LIPI: variants seen among roughly 807,000 people sequenced by gnomAD.
LIPI encodes the protein lipase member I.
Under a neutral mutation model 50.6 loss-of-function variants are expected in LIPI, and 59 were observed. The ratio of observed to expected loss-of-function variants is 1.16; its 90% CI spans 0.94 to 1.45. The LOEUF is 1.45. Among genes scored for constraint, LIPI ranks in the 40% most tolerant of loss-of-function variants. The probability of loss-of-function intolerance (pLI) is 0.00; values close to 1 mark genes in which losing one functional copy is unlikely to be tolerated. For synonymous variants in LIPI, 203 were observed against 178.2 expected, an observed-to-expected ratio of 1.14 and a Z score of -1.11; for missense variants, 586 against 536.3, an observed-to-expected ratio of 1.09 and a Z score of -0.92.
At chr21:14,165,518 C>A in intron 5 of LIPI, 128 bp from the exon 6 acceptor site, 2 of 662,296 alleles carry the variant, frequency 3.0e-6, no homozygotes, top group Non-Finnish European at 5.2e-6. Flanking sequence ...GACTATAATA[C>A]ACAGTTTTAT....
intron 9 of LIPI, among the ~76,000 whole-genome samples, chr21:14,111,379 G>C (rs572826871): frequency 3.3e-5 from 5 of 152,108 alleles, no homozygotes; most frequent in African/African-American, 1.2e-4. Flanking sequence ...TTGGCCACTT[G>C]TATGTCTTCT....
At chr21:14,136,497 G>A (rs1269414403) in intron 9 of LIPI, among the ~76,000 whole-genome samples, 1 of 152,184 alleles carries the variant, frequency 6.6e-6, no homozygotes, top group African/African-American at 2.4e-5. Context: ...GAAAGGGGAG[G>A]GAAGAGGGGG....
chr21:14,185,318 G>T (rs2019414470), intron 3 of LIPI, among the ~76,000 whole-genome samples: 1 of 151,930 alleles, frequency 6.6e-6, no homozygotes, highest in African/African-American at 2.4e-5. Context: ...TAAGTAAATA[G>T]TTATATTCTT....
intron 3 of LIPI, among the ~76,000 whole-genome samples, chr21:14,182,940 C>T (rs1600910744): frequency 6.6e-6 from 1 of 152,166 alleles, no homozygotes; most frequent in African/African-American, 2.4e-5. Flanking sequence ...CATCAAGCTA[C>T]CAATGACTTT....
At chr21:14,190,332 A>G (rs2019628264) in intron 1 of LIPI, among the ~76,000 whole-genome samples, 2 of 152,108 alleles carry the variant, frequency 1.3e-5, no homozygotes, top group Non-Finnish European at 2.9e-5. Context: ...TAAGCAAATA[A>G]TCCCCATAGT....
At chr21:14,112,285 T>A (rs2016447495) in intron 9 of LIPI, among the ~76,000 whole-genome samples, 1 of 152,168 alleles carries the variant, frequency 6.6e-6, no homozygotes, top group Admixed American at 6.5e-5. Flanking sequence ...TCTCTAGCTT[T>A]GTTCTTTTTG....
rs2018571985 is a variant in LIPI, at chr21:14,163,593, GTAAC to G, written c.902-74_902-71del. 14 of 799,698 alleles carry G rather than the reference GTAAC, an allele frequency of 1.8e-5. 1 individual carries two copies. The Admixed American group carries it at 2.1e-4, about 12-fold the overall frequency. The allele number at this position is 799,698 out of a possible 1,614,324, so 49.5% of individuals were successfully genotyped here. ...ATAACAAAAATGTCAAATCACTAAA[GTAAC>G]TAAAAGATCAGTGCATATAATCATC... On this transcript the variant is annotated intron_variant, in intron 6 of 9. Coordinates refer to ENST00000681601, the MANE Select transcript of LIPI (RefSeq NM_001302998.2).
At chr21:14,186,124 C>T in intron 2 of LIPI, 55 bp from the exon 3 acceptor site, 1 of 946,822 alleles carries the variant, frequency 1.1e-6, no homozygotes, top group South Asian at 1.3e-5. Flanking sequence ...AATAACAAAT[C>T]ATGCCCCCCT....
chr21:14,114,632 C>G (rs1215777636), intron 9 of LIPI, among the ~76,000 whole-genome samples: 1 of 152,054 alleles, frequency 6.6e-6, no homozygotes, highest in Non-Finnish European at 1.5e-5. Flanking sequence ...GACCACTGCC[C>G]GATAAATCAA....
intron 4 of LIPI, among the ~76,000 whole-genome samples, chr21:14,167,644 A>G (rs2018739492): frequency 6.6e-6 from 1 of 152,374 alleles, no homozygotes; most frequent in African/African-American, 2.4e-5. Flanking sequence ...ACAGACCTGC[A>G]GCTGAGGGTC....
At chr21:14,127,706 A>G (rs1380758570) in intron 9 of LIPI, among the ~76,000 whole-genome samples, 1 of 152,112 alleles carries the variant, frequency 6.6e-6, no homozygotes, top group Admixed American at 6.6e-5. Context: ...TTCCTTTATA[A>G]TAAGTGGCTA....
At chr21:14,117,081 G>C (rs978413694) in intron 9 of LIPI, among the ~76,000 whole-genome samples, 6 of 152,166 alleles carry the variant, frequency 3.9e-5, no homozygotes, top group African/African-American at 1.4e-4. Context: ...GGAACTCCAG[G>C]ATGAGGTTGG....
At chr21:14,129,823 G>T (rs1245376469) in intron 9 of LIPI, among the ~76,000 whole-genome samples, 8 of 131,236 alleles carry the variant, frequency 6.1e-5, no homozygotes, top group African/African-American at 1.1e-4. Flanking sequence ...AAAAAAAAAA[G>T]CTTATTTCTC....
At chr21:14,126,627 T>A (rs1326719610) in intron 9 of LIPI, among the ~76,000 whole-genome samples, 1 of 152,134 alleles carries the variant, frequency 6.6e-6, no homozygotes, top group African/African-American at 2.4e-5. Flanking sequence ...TATATATCAT[T>A]TATATTGTAT....
At chr21:14,130,149 C>G (rs183029963) in intron 9 of LIPI, among the ~76,000 whole-genome samples, 166 of 152,276 alleles carry the variant, frequency 1.1e-3, no homozygotes, top group Non-Finnish European at 8.7e-4. Flanking sequence ...TCCCCATATT[C>G]TCCCAAAGTT....
Position 14,166,341 on chromosome 21 carries a change from TCAAAAA to T in LIPI, c.733+15_733+20del. 7.8e-7 allele frequency: 1 copy of T among 1,289,480 alleles called. No individual in the cohort carries two copies. Among genetic ancestry groups the T allele is most frequent in the African/African-American group, 1.5e-5 (1 of 68,614 alleles). 79.9% of individuals were successfully genotyped at this position (1,289,480 alleles called of 1,614,324 possible). On this transcript the variant is annotated intron_variant, in intron 5 of 9. Coordinates refer to ENST00000681601, the MANE Select transcript of LIPI (RefSeq NM_001302998.2). ...TCATTTCGAATATTATGTAGTTCATTCAAAAATACTGTCAGTATACCTGAGAAAATT... is the reference window on the plus strand; with the variant it reads ...TCATTTCGAATATTATGTAGTTCATTTACTGTCAGTATACCTGAGAAAATT...
intron 9 of LIPI, among the ~76,000 whole-genome samples, chr21:14,138,331 T>G (rs1489010168): frequency 5.3e-5 from 8 of 152,172 alleles, no homozygotes; most frequent in Non-Finnish European, 1.2e-4. Flanking sequence ...TGTCTAAGTT[T>G]ATTCTCTAAA....
chr21:14,140,763 A>G (rs544627553), intron 9 of LIPI, among the ~76,000 whole-genome samples: 1 of 152,140 alleles, frequency 6.6e-6, no homozygotes, highest in East Asian at 1.9e-4. Context: ...TTATTCCATT[A>G]TATTCTTCCT....
intron 9 of LIPI, among the ~76,000 whole-genome samples, chr21:14,122,172 GTCA>G (rs1049759206): frequency 6.6e-6 from 1 of 152,118 alleles, no homozygotes; most frequent in Non-Finnish European, 1.5e-5. Flanking sequence ...CAAGATAATT[GTCA>G]TCATTATATG....
Sources: gnomAD v4.1 joint callset for allele counts (sites outside exome capture counted in the v4.1 genomes callset) on GRCh38, gnomAD v4.1.1 for gene constraint, MANE v1.5 for transcripts, NCBI Gene and HGNC (gene_info 2026-07-23, HGNC 2026-07-21) for gene names.